The following WWOX variants were observed in gnomAD, a reference collection of about 807,000 sequenced individuals.
The protein encoded by WWOX is WW domain-containing oxidoreductase.
In WWOX, 69 loss-of-function variants were observed where a neutral mutation model predicts 46.2. The ratio of observed to expected loss-of-function variants is 1.49; its 90% CI spans 1.23 to 1.82. The LOEUF is 1.82. Among genes scored for constraint, WWOX ranks in the 40% most tolerant of loss-of-function variants. The pLI, the probability that WWOX is intolerant of heterozygous loss-of-function variation, is 0.00. For synonymous variants in WWOX, 359 were observed against 202.6 expected (o/e 1.77, Z -6.56); for missense variants, 919 against 542.6 (o/e 1.69, Z -6.89).
chr16:78,305,120 C>G (rs1399228515), intron 5 of WWOX, among the ~76,000 whole-genome samples: 1 of 152,150 alleles, frequency 6.6e-6, no homozygotes, highest in Non-Finnish European at 1.5e-5. Context: ...TCTCAGTCCC[C>G]AAGTTGTGTA....
At chr16:78,248,377 T>A (rs765661044) in intron 5 of WWOX, among the ~76,000 whole-genome samples, 1 of 152,108 alleles carries the variant, frequency 6.6e-6, no homozygotes. Context: ...AAACCATGCA[T>A]GAGAAATCTG....
At position 79,024,571 on chromosome 16, in the gene WWOX, C is replaced by G. The variant is rs555784241; in HGVS notation, c.1057-187037C>G. On this transcript the variant is annotated intron_variant, in intron 8 of 8. Coordinates refer to ENST00000566780, the MANE Select transcript of WWOX (RefSeq NM_016373.4). Reference sequence around the variant, plus strand: ...GCCTCAGCCTCCCGAGTAGCTGGGACTACAGGCACCCACCACCATGCCTGG... The same window carrying G: ...GCCTCAGCCTCCCGAGTAGCTGGGAGTACAGGCACCCACCACCATGCCTGG... Among the ~76,000 whole-genome samples the G allele has an allele frequency of 3.9e-5, 6 of 152,092 alleles. No homozygotes were observed. The East Asian group carries it at 7.8e-4, about 20-fold the overall frequency.
In WWOX at chr16:79,031,920, A is replaced by ATACAGATATCTATC. The variant is rs1567501307; in HGVS notation, c.1057-179686_1057-179685insCAGATATCTATCTA. Among the ~76,000 whole-genome samples, 6 of 60,216 alleles carry ATACAGATATCTATC rather than the reference A, an allele frequency of 1.0e-4. 1 individual carries two copies. The highest frequency in any genetic ancestry group is 0.017 in the Middle Eastern group (2 of 120). The allele number at this position is 60,216 out of a possible 152,430, so 39.5% of individuals were successfully genotyped here. A position where few individuals can be genotyped will look rare whatever the true frequency, so the allele number is the denominator to read the frequency against. ...GATATCTATATATATAGATATCTAT[A>ATACAGATATCTATC]TATATAGATATCTGTATACAGATAT... is the stretch of plus-strand genomic sequence containing the variant. On this transcript the variant is annotated intron_variant, in intron 8 of 8. Coordinates refer to ENST00000566780, the MANE Select transcript of WWOX (RefSeq NM_016373.4).
intron 8 of WWOX, among the ~76,000 whole-genome samples, chr16:78,960,556 C>T (rs181535558): frequency 6.6e-6 from 1 of 152,204 alleles, no homozygotes; most frequent in Non-Finnish European, 1.5e-5. Flanking sequence ...CACAAGAGAG[C>T]AGGTATTTAT....
chr16:78,802,548 T>G (rs1036830507), intron 8 of WWOX, among the ~76,000 whole-genome samples: 4 of 152,176 alleles, frequency 2.6e-5, no homozygotes, highest in Admixed American at 1.3e-4. Flanking sequence ...TCCCCAAAAC[T>G]TAGTCACTAG....
chr16:78,621,592 C>CTTTTT (rs34182797), intron 8 of WWOX, among the ~76,000 whole-genome samples: 972 of 31,518 alleles, frequency 0.031, 326 homozygotes, highest in Middle Eastern at 0.071. Context: ...TTGTTCTAAT[C>CTTTTT]TTTTTTTTTT....
intron 5 of WWOX, among the ~76,000 whole-genome samples, chr16:78,291,353 A>G (rs1169723063): frequency 1.3e-5 from 2 of 152,154 alleles, no homozygotes; most frequent in Non-Finnish European, 1.5e-5. Flanking sequence ...TAAACAGCAT[A>G]TTTGTGGTTA....
intron 8 of WWOX, among the ~76,000 whole-genome samples, chr16:78,519,899 G>A (rs765333963): frequency 5.9e-5 from 9 of 152,116 alleles, no homozygotes; most frequent in Non-Finnish European, 1.3e-4. Context: ...TTTTGGGATC[G>A]CAGCGTGAAT....
chr16:78,221,451 C>T (rs1392623341), intron 5 of WWOX, among the ~76,000 whole-genome samples: 1 of 152,154 alleles, frequency 6.6e-6, no homozygotes, highest in African/African-American at 2.4e-5. Context: ...TTGAAGAAAG[C>T]AATCTCCTAT....
chr16:78,433,828 C>G (rs925835479), intron 8 of WWOX, among the ~76,000 whole-genome samples: 1 of 121,146 alleles, frequency 8.3e-6, no homozygotes, highest in Non-Finnish European at 1.6e-5. Flanking sequence ...CTCGCTCTGT[C>G]GCCCAGGCTG....
At chr16:79,020,279 G>C (rs2047504881) in intron 8 of WWOX, among the ~76,000 whole-genome samples, 1 of 152,222 alleles carries the variant, frequency 6.6e-6, no homozygotes. Context: ...GCCTGGGGCA[G>C]TCATGGAAGA....
chr16:79,051,325 T>C (rs1235889936), intron 8 of WWOX, among the ~76,000 whole-genome samples: 2 of 152,216 alleles, frequency 1.3e-5, no homozygotes, highest in Non-Finnish European at 2.9e-5. Context: ...ATGCTTTAAA[T>C]CAGTAAGTTT....
At chr16:78,781,449 G>C (rs1038372178) in intron 8 of WWOX, among the ~76,000 whole-genome samples, 6 of 152,126 alleles carry the variant, frequency 3.9e-5, no homozygotes, top group Non-Finnish European at 5.9e-5. Context: ...CAGGAAGGAG[G>C]CTGCATTCAT....
chr16:78,286,251 G>T (rs2079764559), intron 5 of WWOX, among the ~76,000 whole-genome samples: 1 of 152,240 alleles, frequency 6.6e-6, no homozygotes, highest in Non-Finnish European at 1.5e-5. Context: ...AGTTACAGGA[G>T]ATCAGCAAGT....
At chr16:78,981,518 A>C (rs368354357) in intron 8 of WWOX, among the ~76,000 whole-genome samples, 1 of 151,394 alleles carries the variant, frequency 6.6e-6, no homozygotes, top group East Asian at 2.0e-4. Flanking sequence ...GCTCACTGCA[A>C]CCTCCACTTT....
chr16:78,607,723 T>C (rs146087184), intron 8 of WWOX, among the ~76,000 whole-genome samples: 10 of 150,534 alleles, frequency 6.6e-5, no homozygotes, highest in African/African-American at 2.2e-4. Context: ...GGTGTGTGTG[T>C]GTTTGTTTTG....
intron 8 of WWOX, among the ~76,000 whole-genome samples, chr16:78,863,358 C>G (rs940573755): frequency 1.3e-5 from 2 of 152,114 alleles, no homozygotes; most frequent in African/African-American, 4.8e-5. Flanking sequence ...ATCTCTAGGC[C>G]AAGTGTTCTT....
intron 5 of WWOX, among the ~76,000 whole-genome samples, chr16:78,319,141 C>T (rs367975395): frequency 1.3e-4 from 19 of 151,906 alleles, no homozygotes; most frequent in Non-Finnish European, 2.1e-4. Flanking sequence ...AGAAGGACAC[C>T]GCCACACATT....
intron 8 of WWOX, among the ~76,000 whole-genome samples, chr16:79,030,967 C>T (rs1305062484): frequency 6.6e-6 from 1 of 151,776 alleles, no homozygotes; most frequent in Admixed American, 6.6e-5. Context: ...TGGCACATGC[C>T]TGTAGTCCCA....
Sources: allele counts gnomAD v4.1 joint callset (sites outside exome capture counted in the v4.1 genomes callset), GRCh38; gene constraint gnomAD v4.1.1; transcripts MANE v1.5; gene names NCBI Gene and HGNC (gene_info 2026-07-23, HGNC 2026-07-21).